The following LHFPL2 variants were observed in gnomAD, a reference collection of about 807,000 sequenced individuals.
The protein encoded by LHFPL2 is LHFPL tetraspan subfamily member 2, also known as LHFPL tetraspan subfamily member 2 protein.
LHFPL2 carries 7 observed loss-of-function variants against 17.5 expected under a neutral mutation model. That is an observed-to-expected ratio of 0.40 (90% CI 0.23 to 0.75). LHFPL2 has a LOEUF of 0.75. Among genes scored for constraint, LHFPL2 ranks in the 30% least tolerant of loss-of-function variants. LHFPL2 has a pLI of 0.37. For synonymous variants in LHFPL2, 134 were observed against 116.2 expected (o/e 1.15, Z -0.99); for missense variants, 241 against 294.8 (o/e 0.82, Z 1.34).
At position 78,514,357 on chromosome 5, in the gene LHFPL2, T is replaced by TAAA. The variant is rs56725399; in HGVS notation, c.-185-3962_-185-3960dup. 5.9e-4 allele frequency among the ~76,000 whole-genome samples: 87 copies of TAAA among 147,190 alleles called. 1 individual carries two copies. The highest frequency in any genetic ancestry group is 2.0e-4 in the Admixed American group (3 of 14,874). ...GTGTGCAAAGTAAAGCCTCTTCACT[T>TAAA]AAAAAAAAAAAAAAGACAAATGAGA... On this transcript the variant is annotated intron_variant, in intron 3 of 4. Coordinates refer to ENST00000380345, the MANE Select transcript of LHFPL2 (RefSeq NM_005779.3).
intron 4 of LHFPL2, among the ~76,000 whole-genome samples, chr5:78,504,573 A>G (rs535446752): frequency 1.3e-5 from 2 of 152,290 alleles, no homozygotes; most frequent in East Asian, 3.9e-4. Context: ...GATCAGCTGC[A>G]TTTCGTATGC....
chr5:78,640,226 A>T (rs1002014981), intron 1 of LHFPL2, among the ~76,000 whole-genome samples: 3 of 152,228 alleles, frequency 2.0e-5, no homozygotes, highest in Non-Finnish European at 4.4e-5. Context: ...TACAGCACTT[A>T]TTTAATTCAG....
rs765208986 is a variant in LHFPL2 at position 78,510,225 on chromosome 5, G to A, written c.-12C>T. 5.7e-6 allele frequency: 9 copies of A among 1,568,672 alleles called. No individual in the cohort carries two copies. Among genetic ancestry groups the A allele is most frequent in the Non-Finnish European group, 6.9e-6 (8 of 1,154,612 alleles). On this transcript the variant is annotated 5_prime_UTR_variant, in exon 4 of 5. Coordinates refer to ENST00000380345, the MANE Select transcript of LHFPL2 (RefSeq NM_005779.3). ...ATGACATGACACATATTGATGTTCC[G>A]GGCGAAGAAAGAGTCAGGAGTCCAC... is the stretch of plus-strand genomic sequence containing the variant.
intron 2 of LHFPL2, among the ~76,000 whole-genome samples, chr5:78,579,895 C>G (rs1372078013): frequency 6.6e-6 from 1 of 152,172 alleles, no homozygotes; most frequent in Non-Finnish European, 1.5e-5. Flanking sequence ...TGTTTCTAGT[C>G]TAGTTCTAGA....
intron 3 of LHFPL2, among the ~76,000 whole-genome samples, chr5:78,539,729 G>A (rs566395129): frequency 1.3e-5 from 2 of 151,724 alleles, no homozygotes; most frequent in South Asian, 4.1e-4. Context: ...GTGGGATGCA[G>A]TCCTAAAACC....
At chr5:78,624,124 A>G (rs746036233) in intron 2 of LHFPL2, among the ~76,000 whole-genome samples, 5 of 152,218 alleles carry the variant, frequency 3.3e-5, no homozygotes, top group Non-Finnish European at 7.3e-5. Context: ...GCCTGCAGAG[A>G]GCCTGCCAGC....
intron 2 of LHFPL2, among the ~76,000 whole-genome samples, chr5:78,605,701 C>T (rs1461150149): frequency 6.6e-6 from 1 of 152,090 alleles, no homozygotes; most frequent in Non-Finnish European, 1.5e-5. Flanking sequence ...TGGTCTATCA[C>T]AAAATTTCAC....
chr5:78,578,272 A>G (rs2112437006), intron 2 of LHFPL2, among the ~76,000 whole-genome samples: 1 of 152,334 alleles, frequency 6.6e-6, no homozygotes, highest in East Asian at 1.9e-4. Flanking sequence ...CATCACAGGA[A>G]GAATAAAAGG....
chr5:78,627,575 T>C lies in LHFPL2; in HGVS notation c.-245+4689A>G, dbSNP rs1032853623. ...GATCACAGAAAGCTTAATTTCAAAGTTAGAATCCAGATTCCCCACTTCCCT... is the reference window on the plus strand; with the variant it reads ...GATCACAGAAAGCTTAATTTCAAAGCTAGAATCCAGATTCCCCACTTCCCT... On this transcript the variant is annotated intron_variant, in intron 2 of 4. Coordinates refer to ENST00000380345, the MANE Select transcript of LHFPL2 (RefSeq NM_005779.3). Among the ~76,000 whole-genome samples, 5 of 152,210 alleles carry C rather than the reference T, an allele frequency of 3.3e-5. No homozygotes were observed. The East Asian group carries it at 9.6e-4, about 29-fold the overall frequency.
chr5:78,622,382 A>T (rs1744885401), intron 2 of LHFPL2, among the ~76,000 whole-genome samples: 1 of 152,226 alleles, frequency 6.6e-6, no homozygotes, highest in South Asian at 2.1e-4. Flanking sequence ...TGCCTTACAT[A>T]GGTTCCCTCA....
intron 2 of LHFPL2, among the ~76,000 whole-genome samples, chr5:78,581,862 G>A (rs1197614158): frequency 4.6e-5 from 7 of 151,990 alleles, no homozygotes; most frequent in Admixed American, 2.0e-4. Flanking sequence ...TTCAGAAGGA[G>A]TGGTACCAGT....
chr5:78,582,918 T>G (rs1046312094), intron 2 of LHFPL2, among the ~76,000 whole-genome samples: 3 of 152,150 alleles, frequency 2.0e-5, no homozygotes, highest in Non-Finnish European at 2.9e-5. Context: ...TGTGTGGGAG[T>G]CTAAGTGTCT....
chr5:78,579,536 C>A (rs970798758), intron 2 of LHFPL2, among the ~76,000 whole-genome samples: 4 of 151,966 alleles, frequency 2.6e-5, no homozygotes, highest in African/African-American at 9.7e-5. Flanking sequence ...TGTTCCCCTT[C>A]CTGTGTCCAT....
chr5:78,510,515 G>A (rs1219562869), intron 3 of LHFPL2, 117 bp from the exon 4 acceptor site: 1 of 381,198 alleles, frequency 2.6e-6, no homozygotes, highest in Non-Finnish European at 4.7e-6. Flanking sequence ...CAAGCCCCGG[G>A]CCTGGCTAGC....
chr5:78,631,047 A>T (rs980763880), intron 2 of LHFPL2, among the ~76,000 whole-genome samples: 1 of 152,228 alleles, frequency 6.6e-6, no homozygotes, highest in Admixed American at 6.5e-5. Context: ...AAAGCACCCA[A>T]CTTACTAAGA....
intron 2 of LHFPL2, among the ~76,000 whole-genome samples, chr5:78,576,510 C>T (rs910687580): frequency 6.6e-6 from 1 of 152,144 alleles, no homozygotes; most frequent in Non-Finnish European, 1.5e-5. Flanking sequence ...GAACCATGAG[C>T]TGTGTCTCTT....
At chr5:78,622,089 A>T in intron 2 of LHFPL2, among the ~76,000 whole-genome samples, 1 of 152,202 alleles carries the variant, frequency 6.6e-6, no homozygotes, top group Admixed American at 6.5e-5. Flanking sequence ...AAGCATAGGA[A>T]GCCCCGGTAA....
chr5:78,495,916 C>T (rs1754590646), intron 4 of LHFPL2, among the ~76,000 whole-genome samples: 1 of 152,316 alleles, frequency 6.6e-6, no homozygotes, highest in Admixed American at 6.5e-5. Flanking sequence ...GGTCACACTA[C>T]ACACATCACC....
rs376811238 is a variant in LHFPL2, at chr5:78,526,549, G to A, written c.-185-16151C>T. Among the ~76,000 whole-genome samples, 198 of 152,196 alleles carry A rather than the reference G, an allele frequency of 1.3e-3. 1 individual carries two copies. Among genetic ancestry groups the A allele is most frequent in the African/African-American group, 4.6e-3 (191 of 41,536 alleles). On this transcript the variant is annotated intron_variant, in intron 3 of 4. Coordinates refer to ENST00000380345, the MANE Select transcript of LHFPL2 (RefSeq NM_005779.3). The stretch of plus-strand genomic sequence containing the variant: ...CAGTTATCTATTCTGTCATTCAAAT[G>A]CACCAGATCGTTCCTTCCTCATCAA...
Sources: allele counts gnomAD v4.1 joint callset (sites outside exome capture counted in the v4.1 genomes callset), GRCh38; gene constraint gnomAD v4.1.1; transcripts MANE v1.5; gene names NCBI Gene and HGNC (gene_info 2026-07-23, HGNC 2026-07-21).